The following ROBO2 variants were observed in gnomAD, a reference collection of about 807,000 sequenced individuals.
The protein encoded by ROBO2 is roundabout homolog 2.
A neutral mutation model predicts 160.8 loss-of-function variants in ROBO2; 53 were observed. The observed-to-expected ratio is 0.33, with a 90% CI of 0.26 to 0.41. ROBO2 has a LOEUF of 0.41. Among genes scored for constraint, ROBO2 ranks in the 10% least tolerant of loss-of-function variants. The pLI is 1.00. For synonymous variants in ROBO2, 664 were observed against 611.7 expected (o/e 1.09, Z -1.26); for missense variants, 1,577 against 1,722.4 (o/e 0.92, Z 1.49).
chr3:77,014,487 C>T (rs796695739), intron 2 of ROBO2, among the ~76,000 whole-genome samples: 34 of 152,252 alleles, frequency 2.2e-4, no homozygotes, highest in African/African-American at 6.3e-4. Flanking sequence ...CGAGCTGCAG[C>T]CATGTCACGC....
chr3:77,213,787 C>T (rs2084523265), intron 2 of ROBO2, among the ~76,000 whole-genome samples: 1 of 151,966 alleles, frequency 6.6e-6, no homozygotes, highest in African/African-American at 2.4e-5. Flanking sequence ...TGTCTTTGTT[C>T]TCGTTGGTTT....
chr3:76,967,585 G>T (rs1419840515), intron 2 of ROBO2, among the ~76,000 whole-genome samples: 3 of 134,306 alleles, frequency 2.2e-5, no homozygotes, highest in Non-Finnish European at 3.1e-5. Context: ...GCAGTGGCAA[G>T]ATAATAGCTC....
At chr3:77,068,494 C>T (rs2067090109) in intron 1 of ROBO2, among the ~76,000 whole-genome samples, 1 of 151,706 alleles carries the variant, frequency 6.6e-6, no homozygotes, top group South Asian at 2.1e-4. Flanking sequence ...TCTTTTTTTC[C>T]ATTGCTGGTT....
At chr3:77,132,291 G>A (rs181772058) in intron 2 of ROBO2, among the ~76,000 whole-genome samples, 1 of 152,044 alleles carries the variant, frequency 6.6e-6, no homozygotes, top group South Asian at 2.1e-4. Context: ...AGAGTACTTG[G>A]ATGTGTTTTG....
In ROBO2 at chr3:76,349,020, A is replaced by C. The variant is rs142957630; in HGVS notation, c.109+411418A>C. 2.6e-5 allele frequency among the ~76,000 whole-genome samples: 4 copies of C among 152,248 alleles called. No homozygotes were observed. In the East Asian group the frequency reaches 7.8e-4, roughly 30 times the overall value. On this transcript the variant is annotated intron_variant, in intron 2 of 26. Coordinates refer to the ROBO2 transcript ENST00000487694. ...TAAACCAGTTATACATGGCAACTTT[A>C]ATCAAATTTCTAGTTCCTAGGGGCC...
chr3:77,023,412 T>C (rs1238124461), intron 2 of ROBO2, among the ~76,000 whole-genome samples: 2 of 152,206 alleles, frequency 1.3e-5, no homozygotes, highest in African/African-American at 4.8e-5. Flanking sequence ...TGTGACTGGC[T>C]CATGAATTAA....
chr3:77,267,597 G>C (rs1203036228), intron 2 of ROBO2, among the ~76,000 whole-genome samples: 1 of 152,192 alleles, frequency 6.6e-6, no homozygotes, highest in Non-Finnish European at 1.5e-5. Context: ...ATGGGTTGGC[G>C]TATGGGGCAG....
chr3:76,995,898 G>A lies in ROBO2; in HGVS notation c.110-102116G>A, dbSNP rs62249923. 5.4e-3 allele frequency among the ~76,000 whole-genome samples: 823 copies of A among 152,196 alleles called. 9 individuals are homozygous for A. The highest frequency in any genetic ancestry group is 8.4e-3 in the Non-Finnish European group (571 of 67,994). ...TGCAAACATTTTCTCCCATTCTGTA[G>A]GTTGCCTGTTCACTCTGATGGTAGT... On this transcript the variant is annotated intron_variant, in intron 2 of 26. Transcript: ENST00000487694.
chr3:76,609,856 G>A (rs1443302973), intron 2 of ROBO2, among the ~76,000 whole-genome samples: 1 of 152,140 alleles, frequency 6.6e-6, no homozygotes, highest in Non-Finnish European at 1.5e-5. Context: ...CTGTGGGTCT[G>A]TCACATGTGG....
intron 2 of ROBO2, among the ~76,000 whole-genome samples, chr3:76,099,496 T>C (rs1576852190): frequency 6.6e-6 from 1 of 152,182 alleles, no homozygotes; most frequent in Non-Finnish European, 1.5e-5. Context: ...AGCTAAATTA[T>C]AGAAAATGTT....
chr3:76,943,050 A>G (rs1044044213), intron 2 of ROBO2, among the ~76,000 whole-genome samples: 8 of 152,224 alleles, frequency 5.3e-5, no homozygotes, highest in African/African-American at 1.9e-4. Flanking sequence ...TTCTCCTCCA[A>G]TGTTCACCTA....
intron 2 of ROBO2, among the ~76,000 whole-genome samples, chr3:77,331,649 G>A (rs754582999): frequency 6.6e-6 from 1 of 151,924 alleles, no homozygotes; most frequent in East Asian, 1.9e-4. Flanking sequence ...TTGAATTAAA[G>A]GTTACTACCA....
chr3:77,355,914 A>G (rs2069049931), intron 2 of ROBO2, among the ~76,000 whole-genome samples: 1 of 143,350 alleles, frequency 7.0e-6, no homozygotes, highest in Non-Finnish European at 1.6e-5. Context: ...AATCTCTGAG[A>G]CAGATAATCC....
chr3:75,967,130 C>T (rs1949143462), intron 2 of ROBO2, among the ~76,000 whole-genome samples: 1 of 151,648 alleles, frequency 6.6e-6, no homozygotes, highest in South Asian at 2.1e-4. Context: ...TTAAGGAGTA[C>T]ACCAATATAA....
At chr3:77,153,458 A>G (rs1443920418) in intron 2 of ROBO2, among the ~76,000 whole-genome samples, 2 of 152,110 alleles carry the variant, frequency 1.3e-5, no homozygotes, top group Admixed American at 1.3e-4. Flanking sequence ...TACCATTGTG[A>G]CAGTACTACA....
At chr3:77,239,750 T>C (rs1206585044) in intron 2 of ROBO2, among the ~76,000 whole-genome samples, 3 of 152,186 alleles carry the variant, frequency 2.0e-5, no homozygotes, top group African/African-American at 7.2e-5. Flanking sequence ...AGAGCACTGA[T>C]TGGTGCGTTT....
At chr3:76,622,480 A>G (rs2089293899) in intron 2 of ROBO2, among the ~76,000 whole-genome samples, 1 of 152,026 alleles carries the variant, frequency 6.6e-6, no homozygotes, top group African/African-American at 2.4e-5. Context: ...TGAAAAATTT[A>G]TTCTATCTTA....
rs1001599426 is a variant in ROBO2 at position 76,449,763 on chromosome 3, G to A, written c.109+512161G>A. On this transcript the variant is annotated intron_variant, in intron 2 of 26. Transcript: ENST00000487694. Reference sequence around the variant, plus strand: ...CACCAAATAGGGCATTTACATTGAAGAGAGTCGTTAAATACTGGTTCAGCA... The same window carrying A: ...CACCAAATAGGGCATTTACATTGAAAAGAGTCGTTAAATACTGGTTCAGCA... Among the ~76,000 whole-genome samples the A allele has an allele frequency of 2.6e-5, 4 of 152,268 alleles. No individual in the cohort carries two copies. The South Asian group carries it at 8.3e-4, about 32-fold the overall frequency.
intron 2 of ROBO2, among the ~76,000 whole-genome samples, chr3:76,068,144 A>C (rs1041493207): frequency 1.3e-5 from 2 of 152,182 alleles, no homozygotes; most frequent in African/African-American, 4.8e-5. Context: ...CAAGCCATGC[A>C]GGATAGCCTA....
Sources: allele counts gnomAD v4.1 joint callset (sites outside exome capture counted in the v4.1 genomes callset), GRCh38; gene constraint gnomAD v4.1.1; transcripts MANE v1.5; gene names NCBI Gene and HGNC (gene_info 2026-07-23, HGNC 2026-07-21).